NDC1: variants seen among roughly 807,000 people sequenced by gnomAD.
NDC1 encodes nucleoporin NDC1.
In NDC1, 24 loss-of-function variants were observed where a neutral mutation model predicts 89.8. The ratio of observed to expected loss-of-function variants is 0.27; its 90% CI spans 0.19 to 0.38. The LOEUF is 0.38. Ranked by LOEUF, NDC1 falls within the 10% of genes least tolerant of loss-of-function variation. The pLI is 1.00. For synonymous variants in NDC1, 296 were observed against 284.8 expected (o/e 1.04, Z -0.39); for missense variants, 728 against 797.6 (o/e 0.91, Z 1.05).
intron 11 of NDC1, among the ~76,000 whole-genome samples, chr1:53,800,130 C>T (rs1226795895): frequency 6.6e-6 from 1 of 152,090 alleles, no homozygotes; most frequent in Non-Finnish European, 1.5e-5. Flanking sequence ...CCACACTGAA[C>T]TTAATTTGTT....
chr1:53,804,411 A>G (rs1482236302), intron 9 of NDC1, among the ~76,000 whole-genome samples: 1 of 152,226 alleles, frequency 6.6e-6, no homozygotes, highest in Admixed American at 6.5e-5. Context: ...TGTGCGGCCC[A>G]CAAGAAAACG....
intron 2 of NDC1, among the ~76,000 whole-genome samples, chr1:53,834,264 A>ATGGC (rs1196262312): frequency 6.6e-6 from 1 of 152,258 alleles, no homozygotes; most frequent in African/African-American, 2.4e-5. Context: ...ACAATTGGTA[A>ATGGC]TGGCTCTCAA....
chr1:53,769,256 T>C (rs1478699647), intron 17 of NDC1, among the ~76,000 whole-genome samples: 1 of 151,948 alleles, frequency 6.6e-6, no homozygotes, highest in African/African-American at 2.4e-5. Flanking sequence ...AAATGGGAGG[T>C]GGCAGGGAAT....
chr1:53,776,724 A>G (rs1482312840), intron 16 of NDC1, among the ~76,000 whole-genome samples: 1 of 152,218 alleles, frequency 6.6e-6, no homozygotes, highest in East Asian at 1.9e-4. Flanking sequence ...GAAAATTTAA[A>G]AATTATGAAT....
chr1:53,808,367 T>C (rs1452488435), intron 7 of NDC1, among the ~76,000 whole-genome samples: 2 of 152,150 alleles, frequency 1.3e-5, no homozygotes, highest in East Asian at 3.8e-4. Flanking sequence ...AAAACCAGGA[T>C]TGGAACCTGA....
chr1:53,797,812 A>T (rs1232820506), intron 11 of NDC1, among the ~76,000 whole-genome samples: 1 of 151,982 alleles, frequency 6.6e-6, no homozygotes, highest in African/African-American at 2.4e-5. Flanking sequence ...TATTTTTTGT[A>T]GAGACAGATT....
chr1:53,788,317 TAA>T (rs1647372385), intron 15 of NDC1, among the ~76,000 whole-genome samples: 1 of 151,778 alleles, frequency 6.6e-6, no homozygotes, highest in South Asian at 2.1e-4. Flanking sequence ...ACAAAAAGAC[TAA>T]GTGTGGTGGC....
chr1:53,797,168 T>C, intron 11 of NDC1, 24 bp from the exon 12 acceptor site: 1 of 1,608,990 alleles, frequency 6.2e-7, no homozygotes. Context: ...GATCCAGTGC[T>C]GAAGAGGCAA....
At chr1:53,815,383 C>T (rs1648443668) in intron 6 of NDC1, among the ~76,000 whole-genome samples, 1 of 152,288 alleles carries the variant, frequency 6.6e-6, no homozygotes, top group East Asian at 1.9e-4. Flanking sequence ...GCAGAAAAAA[C>T]ATTCAACAAA....
At position 53,828,062 on chromosome 1, in the gene NDC1, C is replaced by T. The variant is rs756737481; in HGVS notation, c.392G>A (p.Cys131Tyr). ...CTGGCCCTGGGTTATCACTGCAGCA[C>T]ACCAGGCCATCACCATTCCCATTGC... ...HAAMGMVMAW[C>Y]AAVITQGQYS... The change falls in exon 4 of 18, where the codon TGT becomes TAT. Residue 131 changes from cysteine to tyrosine, a missense_variant. Physicochemically the swap from Cys to Tyr is radical, Grantham distance 194. Coordinates refer to ENST00000371429, the MANE Select transcript of NDC1 (RefSeq NM_018087.5). 9 of 1,613,968 alleles carry T rather than the reference C, an allele frequency of 5.6e-6. No individual in the cohort carries two copies. The African/African-American group carries it at 1.2e-4, about 22-fold the overall frequency.
At chr1:53,778,260 T>TACAC (rs202023880) in intron 16 of NDC1, among the ~76,000 whole-genome samples, 3,463 of 144,752 alleles carry the variant, frequency 0.024, 58 homozygotes, top group African/African-American at 0.044. Flanking sequence ...TGTGTGTATA[T>TACAC]ACACACACAC....
chr1:53,823,862 A>G (rs1029349475), intron 5 of NDC1, among the ~76,000 whole-genome samples: 1 of 152,152 alleles, frequency 6.6e-6, no homozygotes, highest in Non-Finnish European at 1.5e-5. Flanking sequence ...AGTGGGCACC[A>G]TCTCCCTGCT....
chr1:53,805,674 T>G (rs1442841487), intron 9 of NDC1, among the ~76,000 whole-genome samples: 1 of 152,232 alleles, frequency 6.6e-6, no homozygotes, highest in East Asian at 1.9e-4. Context: ...GCAATTCATA[T>G]TTAAGGAGAG....
intron 14 of NDC1, among the ~76,000 whole-genome samples, chr1:53,792,150 G>C (rs1352788742): frequency 2.0e-5 from 3 of 152,070 alleles, no homozygotes; most frequent in Non-Finnish European, 2.9e-5. Context: ...CACCGTGTTA[G>C]CCAGGATGGT....
chr1:53,810,023 AT>A (rs1648249876), intron 6 of NDC1, among the ~76,000 whole-genome samples: 1 of 152,242 alleles, frequency 6.6e-6, no homozygotes, highest in Admixed American at 6.5e-5. Context: ...ACTGTGGTAT[AT>A]TAACTATAAG....
At chr1:53,831,149 T>C (rs1469497487) in intron 3 of NDC1, among the ~76,000 whole-genome samples, 4 of 143,570 alleles carry the variant, frequency 2.8e-5, no homozygotes, top group African/African-American at 5.2e-5. Flanking sequence ...GGCGTGAACC[T>C]AGGAGGCAGA....
chr1:53,806,472 C>A lies in NDC1; in HGVS notation c.937G>T (p.Glu313Ter). Residue 313 changes from glutamate to a stop codon, truncating the protein, a stop_gained, in exon 9 of 18, where the codon GAG (glutamate) becomes TAG (stop). Transcript: ENST00000371429. LOFTEE classifies it high-confidence loss of function. ...VQPPFAEGSDECLPKVLNSNP... is the reference protein window; with the variant it reads ...VQPPFAEGSD Reference sequence around the variant, plus strand: ...CTATTTAACACTTTTGGAAGGCACTCATCTGACCCTTCTGCAAATGGTGGT... The same window carrying A: ...CTATTTAACACTTTTGGAAGGCACTAATCTGACCCTTCTGCAAATGGTGGT... 6.5e-7 allele frequency: 1 copy of A among 1,531,506 alleles called. No individual in the cohort carries two copies. The highest frequency in any genetic ancestry group is 1.3e-5 in the South Asian group (1 of 75,680). 94.9% of individuals were successfully genotyped at this position (1,531,506 alleles called of 1,614,324 possible). A position where few individuals can be genotyped will look rare whatever the true frequency, so the allele number is the denominator to read the frequency against.
chr1:53,818,719 T>C (rs1302898010), intron 6 of NDC1, among the ~76,000 whole-genome samples: 1 of 152,252 alleles, frequency 6.6e-6, no homozygotes, highest in Non-Finnish European at 1.5e-5. Context: ...CAAGGTTTAT[T>C]CAAGCTGTAG....
chr1:53,800,656 G>A, intron 11 of NDC1, 37 bp downstream of exon 11: 2 of 1,605,042 alleles, frequency 1.2e-6, no homozygotes, highest in Non-Finnish European at 1.7e-6. Context: ...GAAATAAAAT[G>A]TAAATGTTTT....
Sources: allele counts gnomAD v4.1 joint callset (sites outside exome capture counted in the v4.1 genomes callset), GRCh38; gene constraint gnomAD v4.1.1; transcripts MANE v1.5; gene names NCBI Gene and HGNC (gene_info 2026-07-23, HGNC 2026-07-21).